Variants in PPM1B observed in about 807,000 individuals in gnomAD.
The protein encoded by PPM1B is protein phosphatase 1B.
In PPM1B, 22 loss-of-function variants were observed where a neutral mutation model predicts 43.0. The ratio of observed to expected loss-of-function variants is 0.51; its 90% CI spans 0.37 to 0.73. PPM1B has a LOEUF of 0.73. PPM1B is among the 30% of genes least tolerant of loss of function. The probability of loss-of-function intolerance (pLI) is 0.00; values close to 1 mark genes in which losing one functional copy is unlikely to be tolerated. For synonymous variants in PPM1B, 217 were observed against 197.9 expected, an observed-to-expected ratio of 1.10 and a Z score of -0.81; for missense variants, 632 against 584.2, an observed-to-expected ratio of 1.08 and a Z score of -0.84.
Position 44,230,698 on chromosome 2 carries a change from A to G in PPM1B, c.1420A>G (p.Met474Val). The change falls in exon 6 of 6, where the codon ATG (methionine) becomes GTG (valine). Residue 474 changes from methionine (M) to valine (V), a missense_variant. This residue lies in a region of PPM1B where 392 missense variants were observed against 302.7 expected (regional missense o/e 1.29). Transcript: ENST00000282412. ...DSSNEDAGTKMSGEKI is the reference protein window; with the variant it reads ...DSSNEDAGTKVSGEKI ...CTCTAATGAAGATGCAGGGACAAAG[A>G]TGAGTGGTGAAAAAATATGACTTTC... The G allele has an allele frequency of 6.2e-7, 1 of 1,607,908 alleles. No individual in the cohort carries two copies. Among genetic ancestry groups the G allele is most frequent in the Non-Finnish European group, 8.5e-7 (1 of 1,175,470 alleles).
intron 5 of PPM1B, among the ~76,000 whole-genome samples, chr2:44,222,847 T>C (rs1452567549): frequency 6.6e-6 from 1 of 152,208 alleles, no homozygotes; most frequent in African/African-American, 2.4e-5. Context: ...ATTTTATTGA[T>C]TGAGACAGGG....
In PPM1B at chr2:44,201,440, A is replaced by G. The variant is rs770908421; in HGVS notation, c.241A>G (p.Thr81Ala). Residue 81 changes from threonine to alanine, a missense_variant, in exon 2 of 6, where the codon ACT (threonine) becomes GCT (alanine). By Grantham distance (58) the Thr-to-Ala change is moderately conservative. This residue lies in a region of PPM1B where 200 missense variants were observed against 200.7 expected (regional missense o/e 1.00). Transcript: ENST00000282412. This position sits in a 1 kb window ranked among gnomAD's most constrained non-coding sequence, Gnocchi z 5.4. ...CSTHLLEHIT[T>A]NEDFRAAGKS... ...AACACATTTATTAGAACACATCACT[A>G]CTAACGAAGACTTTAGGGCAGCTGG... The G allele has an allele frequency of 2.5e-6, 4 of 1,614,174 alleles. No homozygotes were observed. Among genetic ancestry groups the G allele is most frequent in the South Asian group, 1.1e-5 (1 of 91,082 alleles).
chr2:44,181,372 T>A (rs1308097356), intron 1 of PPM1B, among the ~76,000 whole-genome samples: 1 of 151,784 alleles, frequency 6.6e-6, no homozygotes, highest in Non-Finnish European at 1.5e-5. Context: ...GCATGACAAA[T>A]TAGAGAAGGT....
At position 44,230,087 on chromosome 2, in the gene PPM1B, CA is replaced by C. The variant is rs1037904064; in HGVS notation, c.1135-323del. 33 of 1,520,116 alleles carry C rather than the reference CA, an allele frequency of 2.2e-5. No homozygotes were observed. In the African/African-American group the frequency reaches 4.3e-4, roughly 20 times the overall value. The allele number at this position is 1,520,116 out of a possible 1,614,324, so 94.2% of individuals were successfully genotyped here. ...TTTCTTTTGTACTAAATCATATAGCCAAATATTGTTTAAGTAAGTCAGTTTT... is the reference window on the plus strand; with the variant it reads ...TTTCTTTTGTACTAAATCATATAGCCAATATTGTTTAAGTAAGTCAGTTTT... On this transcript the variant is annotated intron_variant, in intron 5 of 5. Transcript: ENST00000282412.
rs1239465626 is a variant in PPM1B at position 44,231,106 on chromosome 2, T to C, written c.*388T>C. The C allele has an allele frequency of 1.1e-6, 1 of 916,132 alleles. No individual in the cohort carries two copies. Among genetic ancestry groups the C allele is most frequent in the Non-Finnish European group, 1.3e-6 (1 of 766,794 alleles). The allele number at this position is 916,132 out of a possible 1,614,324, so 56.8% of individuals were successfully genotyped here. On this transcript the variant is annotated 3_prime_UTR_variant, in exon 6 of 6. Coordinates refer to ENST00000282412, the MANE Select transcript of PPM1B (RefSeq NM_002706.6). The stretch of plus-strand genomic sequence containing the variant: ...CATATTATTTTACCTATTAGTACAC[T>C]CATAGTTAGCTTTGTAATAAATTTA...
chr2:44,245,701 AC>A (rs1348589664), downstream of PPM1B, among the ~76,000 whole-genome samples: 1 of 152,168 alleles, frequency 6.6e-6, no homozygotes, highest in African/African-American at 2.4e-5. Context: ...ATGACAGAAA[AC>A]CCATGACTAC....
At chr2:44,229,453 G>A (rs1160327059) in intron 5 of PPM1B, among the ~76,000 whole-genome samples, 1 of 151,978 alleles carries the variant, frequency 6.6e-6, no homozygotes, top group South Asian at 2.1e-4. Flanking sequence ...CCCCTCACCT[G>A]TTTTTTTCCC....
intron 1 of PPM1B, among the ~76,000 whole-genome samples, chr2:44,178,524 A>G (rs190289318): frequency 2.1e-3 from 318 of 149,776 alleles, no homozygotes; most frequent in African/African-American, 7.4e-3. Context: ...CTGGAGTGCA[A>G]TGATGCAATC....
chr2:44,211,827 G>A (rs192744666), intron 3 of PPM1B, among the ~76,000 whole-genome samples: 470 of 141,748 alleles, frequency 3.3e-3, no homozygotes, highest in African/African-American at 0.012. Context: ...TTGGCTTACC[G>A]CAGTCTCTGC....
At chr2:44,232,399 T>C, downstream of PPM1B, 1 of 1,596,162 alleles carries the variant, frequency 6.3e-7, no homozygotes. Flanking sequence ...GAAAAAACTT[T>C]TAATCACAAT....
intron 1 of PPM1B, among the ~76,000 whole-genome samples, chr2:44,195,706 A>G (rs1422814979): frequency 2.0e-5 from 3 of 152,206 alleles, no homozygotes; most frequent in Non-Finnish European, 4.4e-5. Context: ...TCTGCAACCT[A>G]TTTAGTAATC....
chr2:44,230,299 TTAGAC>T, intron 5 of PPM1B, 109 bp from the exon 6 acceptor site: 1 of 1,512,442 alleles, frequency 6.6e-7, no homozygotes, highest in Non-Finnish European at 8.8e-7. Context: ...GTTCTCATGC[TTAGAC>T]TATATTACTT....
chr2:44,189,170 C>T (rs1352215240), intron 1 of PPM1B, among the ~76,000 whole-genome samples: 1 of 152,146 alleles, frequency 6.6e-6, no homozygotes, highest in Non-Finnish European at 1.5e-5. Context: ...CCATGCCCAG[C>T]CAGCTGCCTT....
intron 1 of PPM1B, among the ~76,000 whole-genome samples, chr2:44,180,290 A>C (rs1224590922): frequency 6.6e-6 from 1 of 152,184 alleles, no homozygotes; most frequent in African/African-American, 2.4e-5. Context: ...AGATGTTCTC[A>C]AAAAGGGCTA....
chr2:44,179,323 A>T (rs1023827196), intron 1 of PPM1B, among the ~76,000 whole-genome samples: 15 of 152,338 alleles, frequency 9.8e-5, no homozygotes, highest in African/African-American at 3.6e-4. Flanking sequence ...AAAAAGTACT[A>T]ATAAATTAAA....
rs371150288 is a variant in PPM1B, at chr2:44,197,169, G to A, written c.-14-4017G>A. Reference sequence around the variant, plus strand: ...TTGCTGTGTCACCTGTCATACCACTGGAGTGCAGTGGTATAATCAGGGCTC... The same window carrying A: ...TTGCTGTGTCACCTGTCATACCACTAGAGTGCAGTGGTATAATCAGGGCTC... On this transcript the variant is annotated intron_variant, in intron 1 of 5. Transcript: ENST00000282412. 1.6e-3 allele frequency among the ~76,000 whole-genome samples: 249 copies of A among 152,042 alleles called. 1 individual carries two copies. Among genetic ancestry groups the A allele is most frequent in the African/African-American group, 5.6e-3 (234 of 41,462 alleles).
At chr2:44,180,335 C>A (rs1667812997) in intron 1 of PPM1B, among the ~76,000 whole-genome samples, 1 of 152,176 alleles carries the variant, frequency 6.6e-6, no homozygotes, top group Non-Finnish European at 1.5e-5. Context: ...TGGGGATACT[C>A]TATGCCCATC....
chr2:44,187,614 G>A (rs989292815), intron 1 of PPM1B, among the ~76,000 whole-genome samples: 1 of 152,142 alleles, frequency 6.6e-6, no homozygotes, highest in Admixed American at 6.6e-5. Context: ...TAGGCTTTGA[G>A]TCTGAGTATT....
intron 1 of PPM1B, among the ~76,000 whole-genome samples, chr2:44,186,959 G>A (rs981753068): frequency 1.4e-4 from 21 of 152,230 alleles, no homozygotes; most frequent in Non-Finnish European, 2.2e-4. Context: ...CATGGTTGCT[G>A]CAAAAAAGAA....
Sources: gnomAD v4.1 joint callset for allele counts (sites outside exome capture counted in the v4.1 genomes callset) on GRCh38, gnomAD v4.1.1 for gene constraint, gnomAD v4.1.1 regional missense constraint, Gnocchi (gnomAD v3.1) non-coding constraint, MANE v1.5 for transcripts, NCBI Gene and HGNC (gene_info 2026-07-23, HGNC 2026-07-21) for gene names.